Variants in TRAF7 observed in about 807,000 individuals in gnomAD.
The protein encoded by TRAF7 is TNF receptor associated factor 7.
TRAF7 carries 45 observed loss-of-function variants against 89.3 expected under a neutral mutation model. That is an observed-to-expected ratio of 0.50 (90% CI 0.40 to 0.65). The LOEUF (loss-of-function observed/expected upper bound fraction) is 0.65. Among genes scored for constraint, TRAF7 ranks in the 30% least tolerant of loss-of-function variants. The pLI, the probability that TRAF7 is intolerant of heterozygous loss-of-function variation, is 0.00. For missense variants in TRAF7, 677 were observed against 918.1 expected, an observed-to-expected ratio of 0.74 and a Z score of 3.39; for synonymous variants, 406 against 369.2, an observed-to-expected ratio of 1.10 and a Z score of -1.14.
At chr16:2,170,466 G>A (rs921109949) in intron 4 of TRAF7, 148 bp from the exon 5 acceptor site, 15 of 628,014 alleles carry the variant, frequency 2.4e-5, no homozygotes, top group African/African-American at 3.7e-5. Context: ...CCCACCCACG[G>A]CCCCCGTGGA....
In TRAF7 at chr16:2,173,240, G is replaced by C; in HGVS notation, c.853G>C (p.Glu285Gln). Residue 285 changes from glutamate to glutamine, a missense_variant, in exon 10 of 21, where the codon GAG becomes CAG. Glu to Gln is a conservative substitution (Grantham distance 29, BLOSUM62 2). This residue lies in a region of TRAF7 where 238 missense variants were observed against 352.6 expected (regional missense o/e 0.67). Transcript: ENST00000326181. The stretch of plus-strand genomic sequence containing the variant: ...GACCCACCTGGAGACTTGCCGCTTC[G>C]AGGGCCTGAAGGAGTTTCTGCAGCA... ...YETHLETCRFEGLKEFLQQTD... is the reference protein window; with the variant it reads ...YETHLETCRFQGLKEFLQQTD... 1.2e-6 allele frequency: 2 copies of C among 1,613,064 alleles called. No homozygotes were observed. Among genetic ancestry groups the C allele is most frequent in the Non-Finnish European group, 1.7e-6 (2 of 1,179,872 alleles).
In TRAF7 at chr16:2,173,212, C is replaced by T. The variant is rs373436400; in HGVS notation, c.825C>T (p.Tyr275=). ...GCTFIGNQDT[Y]ETHLETCRFE... ...CGTTCATCGGGAACCAGGACACTTA[C>T]GAGACCCACCTGGAGACTTGCCGCT... Residue 275 remains tyrosine (Y), a synonymous_variant, in exon 10 of 21, where the codon TAC becomes TAT. Transcript: ENST00000326181. 147 of 1,611,622 alleles carry T rather than the reference C, an allele frequency of 9.1e-5. No individual in the cohort carries two copies. In the Admixed American group the frequency reaches 2.2e-3, roughly 24 times the overall value.
At chr16:2,160,761 A>AG (rs1312751156) in intron 1 of TRAF7, among the ~76,000 whole-genome samples, 1 of 152,082 alleles carries the variant, frequency 6.6e-6, no homozygotes. Context: ...AGAGAATTGA[A>AG]GGGGAATTCT....
intron 1 of TRAF7, among the ~76,000 whole-genome samples, 194 bp downstream of exon 1, chr16:2,156,052 G>A (rs1390410637): frequency 6.6e-6 from 1 of 152,072 alleles, no homozygotes. Flanking sequence ...CCGTCCGCCA[G>A]TCAGTAGTCC....
chr16:2,157,025 G>A (rs1416895201), intron 1 of TRAF7, among the ~76,000 whole-genome samples: 1 of 152,084 alleles, frequency 6.6e-6, no homozygotes. Flanking sequence ...GGGGGTGAGG[G>A]GCTGCTGGCT....
Position 2,175,341 on chromosome 16 carries a change from G to A in TRAF7, c.1427G>A (p.Arg476Gln), listed in dbSNP as rs921046830. 2 of 1,613,552 alleles carry A rather than the reference G, an allele frequency of 1.2e-6. No homozygotes were observed. Among genetic ancestry groups the A allele is most frequent in the Non-Finnish European group, 1.7e-6 (2 of 1,179,994 alleles). Residue 476 changes from arginine (R) to glutamine (Q), a missense_variant, in exon 16 of 21, where the codon CGG becomes CAG. Physicochemically the swap from Arg to Gln is conservative, Grantham distance 43 (BLOSUM62 1). Coordinates refer to ENST00000326181, the MANE Select transcript of TRAF7 (RefSeq NM_032271.3). ...AACCTGCAGAAGGTGAACACCATCC[G>A]GGCCCATGACAACCCGGTGTGCACG... Reference protein sequence around the residue: ...IQNLQKVNTIRAHDNPVCTLV... With the variant: ...IQNLQKVNTIQAHDNPVCTLV...
At chr16:2,171,754 C>A (rs368712626) in intron 7 of TRAF7, 149 bp downstream of exon 7, 2 of 1,237,752 alleles carry the variant, frequency 1.6e-6, no homozygotes, top group African/African-American at 1.5e-5. Flanking sequence ...GTCCTAGGGA[C>A]GCTCAGGCTG....
Position 2,168,114 on chromosome 16 carries a change from A to G in TRAF7, c.177A>G (p.Thr59=), listed in dbSNP as rs1456055585. ...GTSTYKQHCR[T]PSSSSTLAYS... ...GCACCTACAAGCAGCACTGCAGGAC[A>G]CCCTCCTCCTCCAGCACCCTTGCCT... is the stretch of plus-strand genomic sequence containing the variant. The change falls in exon 4 of 21, where the codon ACA becomes ACG. Residue 59 remains threonine (T), a synonymous_variant. Coordinates refer to ENST00000326181, the MANE Select transcript of TRAF7 (RefSeq NM_032271.3). The surrounding 1 kb of genome is among the most constrained non-coding windows in gnomAD (Gnocchi z 4.1). 3 of 1,611,692 alleles carry G rather than the reference A, an allele frequency of 1.9e-6. No individual in the cohort carries two copies. The highest frequency in any genetic ancestry group is 1.1e-5 in the South Asian group (1 of 91,014).
At chr16:2,157,142 C>G (rs998543525) in intron 1 of TRAF7, among the ~76,000 whole-genome samples, 1 of 151,452 alleles carries the variant, frequency 6.6e-6, no homozygotes, top group Non-Finnish European at 1.5e-5. Flanking sequence ...AAGTGAGGAG[C>G]CTCCCTCTTC....
chr16:2,170,477 CGAG>C (rs1413998292), intron 4 of TRAF7, 134 bp from the exon 5 acceptor site: 1 of 647,984 alleles, frequency 1.5e-6, no homozygotes, highest in African/African-American at 1.8e-5. Context: ...CCCCCGTGGA[CGAG>C]GAGAGTACCC....
chr16:2,170,536 C>T (rs1471676245), intron 4 of TRAF7, 78 bp from the exon 5 acceptor site: 11 of 1,138,786 alleles, frequency 9.7e-6, no homozygotes, highest in Admixed American at 7.3e-5. Context: ...CTCGCGCTTC[C>T]GCCGGGCTGG....
In TRAF7 at chr16:2,171,323, C is replaced by G; in HGVS notation, c.408C>G (p.Ser136Arg). The G allele has an allele frequency of 6.4e-7, 1 of 1,555,314 alleles. No individual in the cohort carries two copies. The highest frequency in any genetic ancestry group is 8.7e-7 in the Non-Finnish European group (1 of 1,149,860). Residue 136 changes from serine to arginine, a missense_variant, in exon 6 of 21, where the codon AGC becomes AGG. Ser to Arg is a moderately radical substitution (Grantham distance 110, BLOSUM62 -1). Transcript: ENST00000326181. Reference sequence around the variant, plus strand: ...AGCTGTGCTGTCAGCTCTGCTGCAGCGTCTTCAAAGACCCCGTGATCACCA... The same window carrying G: ...AGCTGTGCTGTCAGCTCTGCTGCAGGGTCTTCAAAGACCCCGTGATCACCA... ...SVKLCCQLCC[S>R]VFKDPVITTC...
chr16:2,173,859 T>TGGGGCCCCC, intron 12 of TRAF7, 23 bp downstream of exon 12: 1 of 1,246,244 alleles, frequency 8.0e-7, no homozygotes, highest in Non-Finnish European at 1.1e-6. Context: ...CCGCCGTGGC[T>TGGGGCCCCC]CCCGCCCACC....
rs536004906 is a variant in TRAF7, at chr16:2,171,123, A to C, written c.349-141A>C. 1.3e-3 allele frequency: 877 copies of C among 678,730 alleles called. 3 individuals are homozygous for C. Among genetic ancestry groups the C allele is most frequent in the Non-Finnish European group, 9.2e-4 (366 of 399,462 alleles). The allele number at this position is 678,730 out of a possible 1,614,324, so 42.0% of individuals were successfully genotyped here. ...CTCCTGGGCCCCGATCAAGCCCCCC[A>C]GCTCTAAGCAGGCCTCTCTCAGGAC... On this transcript the variant is annotated intron_variant, in intron 5 of 20. Transcript: ENST00000326181.
intron 12 of TRAF7, 31 bp downstream of exon 12, chr16:2,173,867 A>ACCCCCC: frequency 2.8e-6 from 1 of 362,582 alleles, no homozygotes; most frequent in South Asian, 2.3e-5. Context: ...GCTCCCGCCC[A>ACCCCCC]CCCTCCCCCC....
Position 2,175,847 on chromosome 16 carries a change from G to T in TRAF7, c.1640G>T (p.Arg547Leu), listed in dbSNP as rs781270559. ...GATTACTCATAGATCTGGGACATCCGAACCCTTGACTGCATCCACGTCCTG... is the reference window on the plus strand; with the variant it reads ...GATTACTCATAGATCTGGGACATCCTAACCCTTGACTGCATCCACGTCCTG... ...SYQTIKIWDI[R>L]TLDCIHVLQT... Residue 547 changes from arginine to leucine, a missense_variant, in exon 18 of 21, where the codon CGA becomes CTA. Physicochemically the swap from Arg to Leu is moderately radical, Grantham distance 102. Around this residue, in one of 6 missense-constraint regions of TRAF7, gnomAD observed 160 missense variants for 263.7 expected, o/e 0.61. Transcript: ENST00000326181. The T allele has an allele frequency of 3.1e-6, 5 of 1,613,338 alleles. No individual in the cohort carries two copies. The highest frequency in any genetic ancestry group is 4.2e-6 in the Non-Finnish European group (5 of 1,179,956).
Position 2,176,690 on chromosome 16 carries a change from G to A in TRAF7, c.*116G>A, listed in dbSNP as rs1393936238. On this transcript the variant is annotated 3_prime_UTR_variant, in exon 21 of 21. Coordinates refer to ENST00000326181, the MANE Select transcript of TRAF7 (RefSeq NM_032271.3). ...CCTGCCCCGTGGGCATAGGTGGACA[G>A]GCTCTGGCAGCCGGGCAGTGCCCTC... 1.3e-6 allele frequency: 2 copies of A among 1,507,986 alleles called. No individual in the cohort carries two copies. Among genetic ancestry groups the A allele is most frequent in the Non-Finnish European group, 1.8e-6 (2 of 1,096,398 alleles). The allele number at this position is 1,507,986 out of a possible 1,614,324, so 93.4% of individuals were successfully genotyped here.
At chr16:2,171,690 G>A in intron 7 of TRAF7, 85 bp downstream of exon 7, 1 of 1,598,046 alleles carries the variant, frequency 6.3e-7, no homozygotes, top group South Asian at 1.1e-5. Flanking sequence ...CTTGTCCCCT[G>A]CACAGCGTCC....
rs562325561 is a variant in TRAF7 at position 2,162,337 on chromosome 16, G to A, written c.-38-1546G>A. ...AGAGCCAGCCCCTCCCTGCACACCT[G>A]TAGGCCGGGCTGGGGGGCCCCAGGC... On this transcript the variant is annotated intron_variant, in intron 1 of 20. Transcript: ENST00000326181. The surrounding 1 kb of genome is among the most constrained non-coding windows in gnomAD (Gnocchi z 5.0). Among the ~76,000 whole-genome samples, 1 of 151,862 alleles carries A rather than the reference G, an allele frequency of 6.6e-6. No individual in the cohort carries two copies. Among genetic ancestry groups the A allele is most frequent in the Admixed American group, 6.5e-5 (1 of 15,310 alleles).
Sources: allele counts gnomAD v4.1 joint callset (sites outside exome capture counted in the v4.1 genomes callset), GRCh38; gene constraint gnomAD v4.1.1; regional missense constraint gnomAD v4.1.1; non-coding constraint Gnocchi (gnomAD v3.1); transcripts MANE v1.5; gene names NCBI Gene and HGNC (gene_info 2026-07-23, HGNC 2026-07-21).